CFAP92: variants seen among roughly 807,000 people sequenced by gnomAD.
CFAP92 encodes uncharacterized protein CFAP92.
A neutral mutation model predicts 106.3 loss-of-function variants in CFAP92; 86 were observed. The ratio of observed to expected loss-of-function variants is 0.81; its 90% confidence interval spans 0.68 to 0.97. CFAP92 has a LOEUF of 0.97. CFAP92 is among the 50% of genes least tolerant of loss of function. The pLI, the probability that CFAP92 is intolerant of heterozygous loss-of-function variation, is 0.00. For synonymous variants in CFAP92, 477 were observed against 506.4 expected (o/e 0.94, Z 0.78); for missense variants, 1,204 against 1,283.8 (o/e 0.94, Z 0.95).
chr3:128,916,040 C>G, intron 13 of CFAP92, 67 bp downstream of exon 13: 1 of 1,138,368 alleles, frequency 8.8e-7, no homozygotes, highest in Non-Finnish European at 1.1e-6. Flanking sequence ...GACCTCCAGG[C>G]AGGCATGGTC....
Position 128,910,317 on chromosome 3 carries a change from C to G in CFAP92, c.3297G>C (p.Gly1099=). ...PKPVTVRKKK[G]NSPIS is the part of the protein sequence containing the mutation. ...GTGCTGCTCAGGAGATGGGGCTGTT[C>G]CCTTTCTTCTTCCTGACTGAGAGAA... The change falls in exon 16 of 16, where the codon GGG becomes GGC. Residue 1099 remains glycine (G), a synonymous_variant. Coordinates refer to ENST00000645291, the MANE Select transcript of CFAP92 (RefSeq NM_001394090.1). The G allele has an allele frequency of 6.7e-7, 1 of 1,481,612 alleles. No individual in the cohort carries two copies. The highest frequency in any genetic ancestry group is 8.9e-7 in the Non-Finnish European group (1 of 1,118,736). 91.8% of individuals were successfully genotyped at this position (1,481,612 alleles called of 1,614,324 possible).
At chr3:129,021,535 T>C in the CFAP92 span, among the ~76,000 whole-genome samples, 1 of 151,958 alleles carries the variant, frequency 6.6e-6, no homozygotes, top group Non-Finnish European at 1.5e-5. Context: ...GATCATGCCA[T>C]TGCACTCCAG....
At chr3:128,958,270 T>A (rs1941602430) in intron 9 of CFAP92, among the ~76,000 whole-genome samples, 1 of 152,096 alleles carries the variant, frequency 6.6e-6, no homozygotes, top group Middle Eastern at 3.2e-3. Context: ...GATAGCAAAT[T>A]AGTGGTTAGG....
rs1187092494 is a variant in CFAP92 at position 128,987,778 on chromosome 3, T to A, written c.505A>T (p.Thr169Ser). 2 of 1,613,680 alleles carry A rather than the reference T, an allele frequency of 1.2e-6. No individual in the cohort carries two copies. The highest frequency in any genetic ancestry group is 1.7e-6 in the Non-Finnish European group (2 of 1,179,764). ...TCCTTTGTCACAGTGATATTAAAAG[T>A]CTGCTCCCACGACACCCAGGCTTTG... ...GDKAWVSWEQ[T>S]FNITVTKELL... The change falls in exon 4 of 16, where the codon ACT becomes TCT. Residue 169 changes from threonine (T) to serine (S), a missense_variant. Physicochemically the swap from Thr to Ser is moderately conservative, Grantham distance 58. Transcript: ENST00000645291.
At position 128,928,626 on chromosome 3, in the gene CFAP92, T is replaced by A. The variant is rs550592164; in HGVS notation, c.2751+4074A>T. Among the ~76,000 whole-genome samples the A allele has an allele frequency of 3.3e-5, 5 of 152,316 alleles. No individual in the cohort carries two copies. The East Asian group carries it at 9.7e-4, about 29-fold the overall frequency. On this transcript the variant is annotated intron_variant, in intron 12 of 15. Coordinates refer to ENST00000645291, the MANE Select transcript of CFAP92 (RefSeq NM_001394090.1). ...ATATCCATATGCAAAAAGATTAATTTAGACCCTTACATTGGACCTCAAAAA... is the reference window on the plus strand; with the variant it reads ...ATATCCATATGCAAAAAGATTAATTAAGACCCTTACATTGGACCTCAAAAA...
At position 128,945,804 on chromosome 3, in the gene CFAP92, C is replaced by A; in HGVS notation, c.1525G>T (p.Val509Leu). Residue 509 changes from valine (V) to leucine (L), a missense_variant, in exon 10 of 16, where the codon GTG becomes TTG. Physicochemically the swap from Val to Leu is conservative, Grantham distance 32. Coordinates refer to ENST00000645291, the MANE Select transcript of CFAP92 (RefSeq NM_001394090.1). ...REYLEGPPMV[V>L]EVHDRDRKSE... is the part of the protein sequence containing the mutation. ...TTGCGGTCCCGGTCGTGAACTTCCA[C>A]CACCATGGGGGGGCCCTCCAGGTAT... The A allele has an allele frequency of 6.6e-7, 1 of 1,525,850 alleles. No individual in the cohort carries two copies. Among genetic ancestry groups the A allele is most frequent in the Non-Finnish European group, 8.8e-7 (1 of 1,141,972 alleles). 94.5% of individuals were successfully genotyped at this position (1,525,850 alleles called of 1,614,324 possible).
chr3:128,977,979 C>A, intron 5 of CFAP92, 66 bp downstream of exon 5: 1 of 1,601,948 alleles, frequency 6.2e-7, no homozygotes, highest in Non-Finnish European at 8.5e-7. Context: ...CTCCAGCACA[C>A]CACACAACCG....
chr3:128,934,902 G>GT (rs948609668), intron 11 of CFAP92, among the ~76,000 whole-genome samples: 1 of 152,112 alleles, frequency 6.6e-6, no homozygotes, highest in African/African-American at 2.4e-5. Flanking sequence ...TAGAAAATGG[G>GT]TTTTAACCAG....
intron 4 of CFAP92, among the ~76,000 whole-genome samples, chr3:128,982,847 G>C (rs1162735964): frequency 6.6e-6 from 1 of 152,160 alleles, no homozygotes. Flanking sequence ...AACACACACA[G>C]CATTTATCAG....
At chr3:128,910,688 G>C in intron 15 of CFAP92, 2 of 1,602,902 alleles carry the variant, frequency 1.2e-6, no homozygotes, top group Non-Finnish European at 1.7e-6. Flanking sequence ...TTGAAGCTCA[G>C]AGGTCTGATT....
rs1201389647 is a variant in CFAP92, at chr3:128,965,656, G to C, written c.1208C>G (p.Ala403Gly). 1 of 398,778 alleles carries C rather than the reference G, an allele frequency of 2.5e-6. No homozygotes were observed. Among genetic ancestry groups the C allele is most frequent in the Non-Finnish European group, 4.4e-6 (1 of 226,000 alleles). The allele number at this position is 398,778 out of a possible 1,614,324, so 24.7% of individuals were successfully genotyped here. ...TVVSRGSEKSANILDCLLTLK... is the reference protein window; with the variant it reads ...TVVSRGSEKSGNILDCLLTLK... ...AGTCAAAAGGCAATCTAAAATGTTG[G>C]CAGACTTCTCACTGCCACGACTCAC... Residue 403 changes from alanine (A) to glycine (G), a missense_variant, in exon 9 of 16, where the codon GCC (alanine) becomes GGC (glycine). Physicochemically the swap from Ala to Gly is moderately conservative, Grantham distance 60. Coordinates refer to ENST00000645291, the MANE Select transcript of CFAP92 (RefSeq NM_001394090.1).
At chr3:128,948,863 A>C (rs1940520700) in intron 9 of CFAP92, among the ~76,000 whole-genome samples, 1 of 152,228 alleles carries the variant, frequency 6.6e-6, no homozygotes, top group Non-Finnish European at 1.5e-5. Flanking sequence ...CCCAAAACTC[A>C]GCAGTAAGAC....
intron 9 of CFAP92, among the ~76,000 whole-genome samples, chr3:128,960,430 A>C (rs1403387693): frequency 1.3e-5 from 2 of 151,252 alleles, no homozygotes; most frequent in Non-Finnish European, 2.9e-5. Context: ...CTCTTCTCCA[A>C]CCTCCCTCAC....
Position 128,914,981 on chromosome 3 carries a change from G to A in CFAP92, c.3280+138C>T, listed in dbSNP as rs909398486. Reference sequence around the variant, plus strand: ...CAATCTCTTTTTTCAGACCCATTCTGCATCTTGCTTTTCTTAGCATAGAAA... The same window carrying A: ...CAATCTCTTTTTTCAGACCCATTCTACATCTTGCTTTTCTTAGCATAGAAA... On this transcript the variant is annotated intron_variant, in intron 15 of 15. Transcript: ENST00000645291. The A allele has an allele frequency of 7.5e-6, 6 of 797,940 alleles. No homozygotes were observed. The Admixed American group carries it at 1.4e-4, about 19-fold the overall frequency. The allele number at this position is 797,940 out of a possible 1,614,324, so 49.4% of individuals were successfully genotyped here. A position where few individuals can be genotyped will look rare whatever the true frequency, so the allele number is the denominator to read the frequency against.
intron 9 of CFAP92, among the ~76,000 whole-genome samples, chr3:128,947,065 G>A (rs1193607652): frequency 6.6e-6 from 1 of 152,088 alleles, no homozygotes; most frequent in African/African-American, 2.4e-5. Context: ...AGTATCTCTG[G>A]AACTGGCAGT....
At chr3:128,957,281 G>A (rs935627071) in intron 9 of CFAP92, among the ~76,000 whole-genome samples, 3 of 152,196 alleles carry the variant, frequency 2.0e-5, no homozygotes, top group Non-Finnish European at 4.4e-5. Flanking sequence ...TGTTATGTTT[G>A]ACAGTTGAAG....
the CFAP92 span, among the ~76,000 whole-genome samples, chr3:129,011,341 A>G: frequency 6.6e-6 from 1 of 152,192 alleles, no homozygotes; most frequent in African/African-American, 2.4e-5. Context: ...ACCTGAGGTC[A>G]GGAGTTCAAG....
At chr3:128,995,356 G>T (rs2107831682), upstream of CFAP92, among the ~76,000 whole-genome samples, 1 of 152,242 alleles carries the variant, frequency 6.6e-6, no homozygotes, top group South Asian at 2.1e-4. Flanking sequence ...ACACCAAATG[G>T]CAGTGGGCCC....
intron 4 of CFAP92, among the ~76,000 whole-genome samples, chr3:128,981,469 T>G (rs1943532450): frequency 6.6e-6 from 1 of 152,176 alleles, no homozygotes; most frequent in Non-Finnish European, 1.5e-5. Flanking sequence ...TAGCTGGGAT[T>G]ACAGGCACCT....
Sources: gnomAD v4.1 joint callset for allele counts (sites outside exome capture counted in the v4.1 genomes callset) on GRCh38, gnomAD v4.1.1 for gene constraint, MANE v1.5 for transcripts, NCBI Gene and HGNC (gene_info 2026-07-23, HGNC 2026-07-21) for gene names.